Variants in ARB2A observed in about 807,000 individuals in gnomAD.
ARB2A encodes cotranscriptional regulator ARB2A.
the ARB2A span, chr5:93,865,380 G>A: frequency 1.5e-5 from 15 of 985,242 alleles, no homozygotes; most frequent in Admixed American, 1.8e-4. Context: ...GCGCCCAGCC[G>A]ATCCTGGATA....
At chr5:94,027,636 G>A in the ARB2A span, among the ~76,000 whole-genome samples, 8 of 152,178 alleles carry the variant, frequency 5.3e-5, no homozygotes, top group Non-Finnish European at 8.8e-5. Flanking sequence ...CCAGTAGGGC[G>A]GTACACAGGG....
the ARB2A span, chr5:93,784,536 T>C: frequency 6.5e-7 from 1 of 1,530,710 alleles, no homozygotes; most frequent in Non-Finnish European, 9.0e-7. Flanking sequence ...TTGGCTATAA[T>C]TGTTTTTCCT....
At chr5:93,795,647 C>T in the ARB2A span, among the ~76,000 whole-genome samples, 7 of 152,136 alleles carry the variant, frequency 4.6e-5, no homozygotes, top group Non-Finnish European at 1.0e-4. Context: ...TGCTAACACT[C>T]CATTGTCTTA....
the ARB2A span, among the ~76,000 whole-genome samples, chr5:94,063,160 G>T: frequency 6.6e-6 from 1 of 151,830 alleles, no homozygotes; most frequent in Non-Finnish European, 1.5e-5. Context: ...TACCACAGGT[G>T]GTGGGAAGAG....
At chr5:94,071,636 GATGT>G in the ARB2A span, among the ~76,000 whole-genome samples, 39 of 152,200 alleles carry the variant, frequency 2.6e-4, no homozygotes, top group South Asian at 8.1e-3. Context: ...CACATGAAAA[GATGT>G]ATGGTCAACA....
the ARB2A span, among the ~76,000 whole-genome samples, chr5:94,018,519 T>C: frequency 6.6e-6 from 1 of 152,148 alleles, no homozygotes. Flanking sequence ...CCAAGACTGA[T>C]TTAAAAACAA....
the ARB2A span, among the ~76,000 whole-genome samples, chr5:93,869,983 T>A: frequency 6.6e-6 from 1 of 152,236 alleles, no homozygotes; most frequent in Non-Finnish European, 1.5e-5. Context: ...TCTCTTCACA[T>A]GGACGCGTGA....
the ARB2A span, among the ~76,000 whole-genome samples, chr5:93,858,203 A>G: frequency 6.6e-6 from 1 of 152,156 alleles, no homozygotes; most frequent in Admixed American, 6.5e-5. Flanking sequence ...AGGGAAGCTC[A>G]TTAGAGATTC....
chr5:93,681,979 T>C, the ARB2A span, among the ~76,000 whole-genome samples: 12 of 152,206 alleles, frequency 7.9e-5, no homozygotes, highest in Admixed American at 2.0e-4. Flanking sequence ...AAATGTAGAA[T>C]ATAAGTGAAA....
At chr5:93,974,514 C>T in the ARB2A span, among the ~76,000 whole-genome samples, 61 of 151,978 alleles carry the variant, frequency 4.0e-4, no homozygotes, top group South Asian at 0.011. Context: ...AATTTAACAC[C>T]CCACAAAAGC....
At chr5:93,762,087 C>A in the ARB2A span, among the ~76,000 whole-genome samples, 2 of 152,076 alleles carry the variant, frequency 1.3e-5, no homozygotes, top group African/African-American at 2.4e-5. Flanking sequence ...GTAGATAAAA[C>A]CACAAAGATG....
the ARB2A span, among the ~76,000 whole-genome samples, chr5:93,640,895 C>T: frequency 6.6e-6 from 1 of 151,818 alleles, no homozygotes; most frequent in African/African-American, 2.4e-5. Context: ...CTCTAAGCAA[C>T]ATTTTAAATT....
At chr5:93,846,324 T>C in the ARB2A span, among the ~76,000 whole-genome samples, 1 of 150,900 alleles carries the variant, frequency 6.6e-6, no homozygotes, top group Non-Finnish European at 1.5e-5. Context: ...GGTAACATAG[T>C]GAGACCCTGT....
the ARB2A span, among the ~76,000 whole-genome samples, chr5:93,761,995 A>C: frequency 6.6e-6 from 1 of 152,174 alleles, no homozygotes; most frequent in African/African-American, 2.4e-5. Context: ...GAGGGTCCTT[A>C]CTGTTAGAAG....
the ARB2A span, among the ~76,000 whole-genome samples, chr5:93,693,958 T>C: frequency 6.6e-6 from 1 of 152,100 alleles, no homozygotes; most frequent in African/African-American, 2.4e-5. Flanking sequence ...ATTATCTCAA[T>C]AGATGCAGAA....
chr5:93,835,427 T>C, the ARB2A span, among the ~76,000 whole-genome samples: 1 of 152,228 alleles, frequency 6.6e-6, no homozygotes, highest in Non-Finnish European at 1.5e-5. Context: ...AGCTAACCTG[T>C]TGCTACAAAG....
the ARB2A span, chr5:93,865,616 A>C: frequency 1.0e-6 from 1 of 985,426 alleles, no homozygotes; most frequent in Non-Finnish European, 1.2e-6. Flanking sequence ...TGGGGCTAAC[A>C]TCTTTATTTA....
chr5:93,915,168 T>A, the ARB2A span, among the ~76,000 whole-genome samples: 1 of 152,000 alleles, frequency 6.6e-6, no homozygotes, highest in Non-Finnish European at 1.5e-5. Context: ...TCTTCCACAC[T>A]CTATCAATGA....
the ARB2A span, among the ~76,000 whole-genome samples, chr5:93,762,595 A>G: frequency 6.6e-6 from 1 of 152,232 alleles, no homozygotes; most frequent in East Asian, 1.9e-4. Flanking sequence ...TGAAAGTGAT[A>G]TGGAGAATGG....
Sources: gnomAD v4.1 joint callset for allele counts (sites outside exome capture counted in the v4.1 genomes callset) on GRCh38, gnomAD v4.1.1 for gene constraint, MANE v1.5 for transcripts, NCBI Gene and HGNC (gene_info 2026-07-23, HGNC 2026-07-21) for gene names.